The following SCUBE3 variants were observed in gnomAD, a reference collection of about 807,000 sequenced individuals.
SCUBE3 encodes signal peptide, CUB and EGF-like domain-containing protein 3.
Under a neutral mutation model 116.8 loss-of-function variants are expected in SCUBE3, and 33 were observed. The ratio of observed to expected loss-of-function variants is 0.28; its 90% CI spans 0.21 to 0.38. SCUBE3 has a LOEUF of 0.38. Ranked by LOEUF, SCUBE3 falls within the 10% of genes least tolerant of loss-of-function variation. SCUBE3 has a pLI of 1.00. For synonymous variants in SCUBE3, 418 were observed against 496.9 expected (o/e 0.84, Z 2.11); for missense variants, 1,007 against 1,324.8 (o/e 0.76, Z 3.72).
intron 1 of SCUBE3, chr6:35,223,494 T>C (rs367939502): frequency 1.3e-5 from 2 of 152,386 alleles, no homozygotes; most frequent in East Asian, 3.9e-4. Flanking sequence ...AAATAGTTTA[T>C]TGGCATTACC....
Position 35,242,764 on chromosome 6 carries a change from A to G in SCUBE3, c.1677A>G (p.Arg559=). 6.2e-7 allele frequency: 1 copy of G among 1,613,614 alleles called. No individual in the cohort carries two copies. Among genetic ancestry groups the G allele is most frequent in the Non-Finnish European group, 8.5e-7 (1 of 1,179,572 alleles). The change falls in exon 14 of 22, where the codon AGA becomes AGG. Residue 559 remains arginine, a synonymous_variant. Transcript: ENST00000274938. The part of the protein sequence containing the change: ...RLTLELEAEV[R]AEETTASCGL... ...CCCTGGAACTGGAGGCAGAGGTCAG[A>G]GCCGAAGAAACCACAGGTGGGACTG...
chr6:35,215,772 T>C (rs1782862114), intron 1 of SCUBE3, among the ~76,000 whole-genome samples: 1 of 152,150 alleles, frequency 6.6e-6, no homozygotes, highest in African/African-American at 2.4e-5. Context: ...CCCTCCAACC[T>C]GTCCTTTCAC....
rs115492176 is a variant in SCUBE3, at chr6:35,247,520, A to G, written c.2833-1036A>G. Among the ~76,000 whole-genome samples the G allele has an allele frequency of 4.9e-3, 749 of 152,198 alleles. 2 individuals are homozygous for G. The highest frequency in any genetic ancestry group is 0.014 in the Middle Eastern group (4 of 294). On this transcript the variant is annotated intron_variant, in intron 21 of 21. Coordinates refer to ENST00000274938, the MANE Select transcript of SCUBE3 (RefSeq NM_152753.4). Reference sequence around the variant, plus strand: ...TATCACTGCAAAAAAGTTAAGTGTTAGCAAAATATTTTTATATTATCATCA... The same window carrying G: ...TATCACTGCAAAAAAGTTAAGTGTTGGCAAAATATTTTTATATTATCATCA...
rs1784125672 is a variant in SCUBE3, at chr6:35,242,679, C to T, written c.1592C>T (p.Ser531Phe). 6.2e-7 allele frequency: 1 copy of T among 1,614,058 alleles called. No homozygotes were observed. The highest frequency in any genetic ancestry group is 1.1e-5 in the South Asian group (1 of 91,088). The change falls in exon 14 of 22, where the codon TCT becomes TTT. Residue 531 changes from serine to phenylalanine, a missense_variant. This residue lies in a region of SCUBE3 where 544 missense variants were observed against 638.9 expected (regional missense o/e 0.85). Coordinates refer to ENST00000274938, the MANE Select transcript of SCUBE3 (RefSeq NM_152753.4). Reference protein sequence around the residue: ...VTFIHLKCDSSRKGKGRRART... With the variant: ...VTFIHLKCDSFRKGKGRRART... ...TTCATCCACCTTAAGTGTGACTCCT[C>T]TCGGAAGGGCAAGGGCCGACGGGCC...
intron 21 of SCUBE3, among the ~76,000 whole-genome samples, chr6:35,248,107 A>T (rs1784422035): frequency 6.6e-6 from 1 of 152,240 alleles, no homozygotes. Context: ...CAGGAAAAAG[A>T]TGAACTAATT....
intron 6 of SCUBE3, among the ~76,000 whole-genome samples, chr6:35,234,648 C>T (rs1445653877): frequency 6.6e-6 from 1 of 152,218 alleles, no homozygotes; most frequent in Non-Finnish European, 1.5e-5. Context: ...TCAAAGCTCT[C>T]ACCACCTCCT....
Position 35,249,585 on chromosome 6 carries a change from G to A in SCUBE3, c.*880G>A, listed in dbSNP as rs1270757102. On this transcript the variant is annotated 3_prime_UTR_variant, in exon 22 of 22. Transcript: ENST00000274938. ...ACTTCAAACACTAATCCCTTTTCTT[G>A]TCTTCCCTGGCCCAGCCACCTCCTC... 1 of 152,372 alleles carries A rather than the reference G, an allele frequency of 6.6e-6. No homozygotes were observed. Among genetic ancestry groups the A allele is most frequent in the Non-Finnish European group, 1.5e-5 (1 of 68,126 alleles). The allele number at this position is 152,372 out of a possible 1,614,324, so 9.4% of individuals were successfully genotyped here.
At chr6:35,238,706 C>A (rs1783887067) in intron 7 of SCUBE3, among the ~76,000 whole-genome samples, 1 of 152,194 alleles carries the variant, frequency 6.6e-6, no homozygotes, top group South Asian at 2.1e-4. Context: ...CCACATTATG[C>A]ATTCTGTTTC....
intron 1 of SCUBE3, 36 bp from the exon 2 acceptor site, chr6:35,227,544 A>G: frequency 6.2e-7 from 1 of 1,613,654 alleles, no homozygotes; most frequent in Non-Finnish European, 8.5e-7. Context: ...AGAGGTGCCA[A>G]CAGAGGTTCT....
rs544373093 is a variant in SCUBE3, at chr6:35,235,510, T to G, written c.712+2209T>G. On this transcript the variant is annotated intron_variant, in intron 6 of 21. Coordinates refer to ENST00000274938, the MANE Select transcript of SCUBE3 (RefSeq NM_152753.4). The surrounding 1 kb of genome is among the most constrained non-coding windows in gnomAD (Gnocchi z 4.5). The stretch of plus-strand genomic sequence containing the variant: ...TTTCTAATGGTAAATATGTCTGCTC[T>G]CTCCGCTTGCTCTCACTGGCTTGCT... 86 of 1,269,448 alleles carry G rather than the reference T, an allele frequency of 6.8e-5. 1 individual carries two copies. The South Asian group carries it at 8.4e-4, about 12-fold the overall frequency. The allele number at this position is 1,269,448 out of a possible 1,614,324, so 78.6% of individuals were successfully genotyped here.
At position 35,245,349 on chromosome 6, in the gene SCUBE3, G is replaced by A. The variant is rs1304357909; in HGVS notation, c.2523G>A (p.Lys841=). 1 of 1,614,170 alleles carries A rather than the reference G, an allele frequency of 6.2e-7. No individual in the cohort carries two copies. The highest frequency in any genetic ancestry group is 1.1e-5 in the South Asian group (1 of 91,084). Residue 841 remains lysine, a synonymous_variant, in exon 19 of 22, where the codon AAG becomes AAA. Coordinates refer to ENST00000274938, the MANE Select transcript of SCUBE3 (RefSeq NM_152753.4). This position sits in a 1 kb window ranked among gnomAD's most constrained non-coding sequence, Gnocchi z 4.2. ...IWNINPPPKR[K]ILIVVPEIFL... ...ACATCAACCCCCCACCCAAGCGCAAGATCCTTATCGTGGTACCAGAGATCT... is the reference window on the plus strand; with the variant it reads ...ACATCAACCCCCCACCCAAGCGCAAAATCCTTATCGTGGTACCAGAGATCT...
In SCUBE3 at chr6:35,243,341, C is replaced by T; in HGVS notation, c.1909+105C>T. ...CAGATGCATTTCTCAAATTATGAGG[C>T]AGCCAGGATGCTCCTGCCCGCTGTC... On this transcript the variant is annotated intron_variant, in intron 15 of 21. Coordinates refer to ENST00000274938, the MANE Select transcript of SCUBE3 (RefSeq NM_152753.4). This position sits in a 1 kb window ranked among gnomAD's most constrained non-coding sequence, Gnocchi z 6.6. The T allele has an allele frequency of 2.9e-6, 3 of 1,038,528 alleles. 1 individual carries two copies. 64.3% of individuals were successfully genotyped at this position (1,038,528 alleles called of 1,614,324 possible).
At chr6:35,216,802 G>A (rs936582206) in intron 1 of SCUBE3, among the ~76,000 whole-genome samples, 1 of 152,118 alleles carries the variant, frequency 6.6e-6, no homozygotes, top group African/African-American at 2.4e-5. Flanking sequence ...TACCTCTGGG[G>A]GTATCTGGGT....
intron 1 of SCUBE3, among the ~76,000 whole-genome samples, chr6:35,215,386 C>G (rs1236838716): frequency 6.6e-6 from 1 of 152,176 alleles, no homozygotes; most frequent in Non-Finnish European, 1.5e-5. Context: ...CTACAGTTCT[C>G]TCGGGACAGT....
At position 35,233,816 on chromosome 6, in the gene SCUBE3, A is replaced by G. The variant is rs1783647651; in HGVS notation, c.712+515A>G. Among the ~76,000 whole-genome samples, 1 of 152,000 alleles carries G rather than the reference A, an allele frequency of 6.6e-6. No individual in the cohort carries two copies. Among genetic ancestry groups the G allele is most frequent in the South Asian group, 2.1e-4 (1 of 4,812 alleles). ...CAGATGGGGTTTCCTGGCTCCAGGTATCTTTTTCCTCTTTATTCCTTCTCT... is the reference window on the plus strand; with the variant it reads ...CAGATGGGGTTTCCTGGCTCCAGGTGTCTTTTTCCTCTTTATTCCTTCTCT... On this transcript the variant is annotated intron_variant, in intron 6 of 21. Transcript: ENST00000274938. The surrounding 1 kb of genome is among the most constrained non-coding windows in gnomAD (Gnocchi z 5.7).
In SCUBE3 at chr6:35,243,667, G is replaced by A; in HGVS notation, c.1983G>A (p.Gln661=). Residue 661 remains glutamine, a synonymous_variant, in exon 16 of 22, where the codon CAG becomes CAA. Transcript: ENST00000274938. The surrounding 1 kb of genome is among the most constrained non-coding windows in gnomAD (Gnocchi z 6.6). ...QCVPCPAGTF[Q]EREGQLSCDL... The stretch of plus-strand genomic sequence containing the variant: ...TGCCATGCCCAGCGGGCACCTTCCA[G>A]GAGAGAGAAGGGCAGCTCTCCTGCG... 1 of 1,614,098 alleles carries A rather than the reference G, an allele frequency of 6.2e-7. No homozygotes were observed. Among genetic ancestry groups the A allele is most frequent in the Middle Eastern group, 1.6e-4 (1 of 6,062 alleles).
Position 35,245,555 on chromosome 6 carries a change from G to C in SCUBE3, c.2599+130G>C. 4 of 724,280 alleles carry C rather than the reference G, an allele frequency of 5.5e-6. No homozygotes were observed. Among genetic ancestry groups the C allele is most frequent in the Middle Eastern group, 3.4e-4 (1 of 2,942 alleles). 44.9% of individuals were successfully genotyped at this position (724,280 alleles called of 1,614,324 possible). On this transcript the variant is annotated intron_variant, in intron 19 of 21. Transcript: ENST00000274938. This position sits in a 1 kb window ranked among gnomAD's most constrained non-coding sequence, Gnocchi z 4.2. ...GGGATCTATGAGGGTGAAATAGTGA[G>C]AGGCCTTTAGGAAGAGAGAAGCTAA...
chr6:35,243,128 G>C lies in SCUBE3; in HGVS notation c.1801G>C (p.Ala601Pro). Residue 601 changes from alanine (A) to proline (P), a missense_variant, in exon 15 of 22, where the codon GCA becomes CCA. Ala to Pro is a conservative substitution (Grantham distance 27). Coordinates refer to ENST00000274938, the MANE Select transcript of SCUBE3 (RefSeq NM_152753.4). This position sits in a 1 kb window ranked among gnomAD's most constrained non-coding sequence, Gnocchi z 6.6. ...CCAGGACCGCTTCCTGCTGCGCCTG[G>C]CAGGCCTTGATTATGAGCTGGCCCA... The part of the protein sequence containing the change: ...INQDRFLLRL[A>P]GLDYELAHKP... 2.5e-6 allele frequency: 4 copies of C among 1,614,210 alleles called. No homozygotes were observed. The highest frequency in any genetic ancestry group is 3.4e-6 in the Non-Finnish European group (4 of 1,180,032).
At position 35,242,256 on chromosome 6, in the gene SCUBE3, C is replaced by A. The variant is rs1379665347; in HGVS notation, c.1470C>A (p.Ala490=). ...GGGCCTCCTTCAAGATCAAGGATGC[C>A]AAATGCCGTTTGCACCTGCGAAACA... The part of the protein sequence containing the change: ...KQRASFKIKD[A]KCRLHLRNKG... Residue 490 remains alanine (A), a synonymous_variant, in exon 13 of 22, where the codon GCC becomes GCA. Transcript: ENST00000274938. 1.2e-6 allele frequency: 2 copies of A among 1,614,080 alleles called. No homozygotes were observed. The highest frequency in any genetic ancestry group is 1.7e-6 in the Non-Finnish European group (2 of 1,179,980).
Sources: gnomAD v4.1 joint callset for allele counts (sites outside exome capture counted in the v4.1 genomes callset) on GRCh38, gnomAD v4.1.1 for gene constraint, gnomAD v4.1.1 regional missense constraint, Gnocchi (gnomAD v3.1) non-coding constraint, MANE v1.5 for transcripts, NCBI Gene and HGNC (gene_info 2026-07-23, HGNC 2026-07-21) for gene names.